DOCK2: variants seen among roughly 807,000 people sequenced by gnomAD.
DOCK2 encodes dedicator of cytokinesis protein 2.
Under a neutral mutation model 248.9 loss-of-function variants are expected in DOCK2, and 87 were observed. That is an observed-to-expected ratio of 0.35 (90% CI 0.29 to 0.42). DOCK2 has a LOEUF of 0.42. Among genes scored for constraint, DOCK2 ranks in the 10% least tolerant of loss-of-function variants. The pLI is 1.00. For synonymous variants in DOCK2, 805 were observed against 821.6 expected, an observed-to-expected ratio of 0.98 and a Z score of 0.35; for missense variants, 1,747 against 2,300.2, an observed-to-expected ratio of 0.76 and a Z score of 4.92.
chr5:169,667,765 T>C (rs544289509), intron 2 of DOCK2, among the ~76,000 whole-genome samples: 1 of 152,330 alleles, frequency 6.6e-6, no homozygotes, highest in South Asian at 2.1e-4. Context: ...AAACAAAAAA[T>C]GTCAACAGAG....
At chr5:169,920,890 G>C (rs777211686) in intron 27 of DOCK2, among the ~76,000 whole-genome samples, 1 of 152,210 alleles carries the variant, frequency 6.6e-6, no homozygotes, top group African/African-American at 2.4e-5. Flanking sequence ...GTAGTGGGCA[G>C]TTGTTTTCCT....
intron 1 of DOCK2, 28 bp from the exon 2 acceptor site, chr5:169,654,375 C>T (rs1440473751): frequency 1.9e-6 from 3 of 1,613,136 alleles, no homozygotes; most frequent in Non-Finnish European, 2.5e-6. Context: ...AGAGGTCTCA[C>T]CTAGCTGTCT....
chr5:170,031,870 C>G (rs1387176930), intron 34 of DOCK2, among the ~76,000 whole-genome samples: 1 of 152,152 alleles, frequency 6.6e-6, no homozygotes, highest in Non-Finnish European at 1.5e-5. Context: ...CAAGTGTGGT[C>G]CATTGACCCG....
intron 27 of DOCK2, among the ~76,000 whole-genome samples, chr5:169,938,133 T>C (rs1249230876): frequency 6.6e-6 from 1 of 152,170 alleles, no homozygotes; most frequent in Non-Finnish European, 1.5e-5. Context: ...GACAAAATGC[T>C]CCCTGCCTCT....
Position 169,702,393 on chromosome 5 carries a change from T to C in DOCK2, c.1349T>C (p.Met450Thr), listed in dbSNP as rs759775916. 135 of 1,613,730 alleles carry C rather than the reference T, an allele frequency of 8.4e-5. 1 individual carries two copies. The Middle Eastern group carries it at 1.5e-3, about 18-fold the overall frequency. Reference sequence around the variant, plus strand: ...ACACAGAGGAATGTGGAAGTCATCATGTGTGTGTGCGCGGAGGATGGCAAA... The same window carrying C: ...ACACAGAGGAATGTGGAAGTCATCACGTGTGTGTGCGCGGAGGATGGCAAA... ...KTTQRNVEVI[M>T]CVCAEDGKTL... is the part of the protein sequence containing the mutation. The change falls in exon 14 of 52, where the codon ATG becomes ACG. Residue 450 changes from methionine to threonine, a missense_variant. This residue lies in a region of DOCK2 where 858 missense variants were observed against 1,183.5 expected (regional missense o/e 0.72). Coordinates refer to ENST00000520908, the MANE Select transcript of DOCK2 (RefSeq NM_004946.3).
intron 25 of DOCK2, among the ~76,000 whole-genome samples, chr5:169,772,737 C>T (rs911181839): frequency 3.9e-5 from 6 of 152,194 alleles, no homozygotes; most frequent in African/African-American, 1.4e-4. Flanking sequence ...AAAAACCCTC[C>T]TCTTCCCATT....
intron 27 of DOCK2, among the ~76,000 whole-genome samples, chr5:169,877,036 G>A (rs558702914): frequency 1.9e-4 from 29 of 152,320 alleles, no homozygotes; most frequent in South Asian, 6.2e-4. Flanking sequence ...TGGCATGGGG[G>A]TCCTTCTGGG....
At chr5:169,948,289 C>T (rs568601794) in intron 27 of DOCK2, among the ~76,000 whole-genome samples, 10 of 135,508 alleles carry the variant, frequency 7.4e-5, no homozygotes, top group Middle Eastern at 3.8e-3. Flanking sequence ...GGATTCAGAA[C>T]GTTTTTTAAA....
chr5:169,669,960 C>T (rs905313115), intron 3 of DOCK2, among the ~76,000 whole-genome samples: 2 of 152,320 alleles, frequency 1.3e-5, no homozygotes, highest in Non-Finnish European at 2.9e-5. Flanking sequence ...CTTCCTTCTT[C>T]CCTGACATGC....
At chr5:169,814,869 A>C (rs246768) in intron 26 of DOCK2, among the ~76,000 whole-genome samples, 83,621 of 151,908 alleles carry the variant, frequency 0.55, 23,503 homozygotes, top group African/African-American at 0.65. Flanking sequence ...GTTAAGACAA[A>C]AAAATCCAGA....
At chr5:169,961,205 A>C (rs1462895877) in intron 27 of DOCK2, among the ~76,000 whole-genome samples, 1 of 152,248 alleles carries the variant, frequency 6.6e-6, no homozygotes, top group Non-Finnish European at 1.5e-5. Context: ...TAGCCCCCCA[A>C]GGGCAATTAA....
At chr5:169,782,122 G>T (rs576137867) in intron 25 of DOCK2, among the ~76,000 whole-genome samples, 14 of 152,236 alleles carry the variant, frequency 9.2e-5, no homozygotes, top group Middle Eastern at 6.8e-3. Context: ...AAAATTTGTG[G>T]TATTTCAGGG....
intron 24 of DOCK2, 57 bp downstream of exon 24, chr5:169,759,832 G>T: frequency 6.2e-7 from 1 of 1,602,018 alleles, no homozygotes; most frequent in South Asian, 1.1e-5. Context: ...GATTCAGAGT[G>T]GGAGGAGGGC....
intron 41 of DOCK2, among the ~76,000 whole-genome samples, 162 bp downstream of exon 41, chr5:170,050,559 T>G (rs542668480): frequency 6.6e-6 from 1 of 152,212 alleles, no homozygotes; most frequent in Non-Finnish European, 1.5e-5. Flanking sequence ...CCATGTTCTT[T>G]GGATCCTTTT....
intron 25 of DOCK2, among the ~76,000 whole-genome samples, chr5:169,775,156 C>T (rs1191790355): frequency 6.6e-6 from 1 of 152,118 alleles, no homozygotes; most frequent in South Asian, 2.1e-4. Context: ...GTGATCTGCC[C>T]ACCTCGGCCT....
At chr5:169,719,390 G>T (rs1231865411) in intron 22 of DOCK2, among the ~76,000 whole-genome samples, 2 of 152,252 alleles carry the variant, frequency 1.3e-5, no homozygotes, top group African/African-American at 4.8e-5. Context: ...ATAGGGCAAA[G>T]TTAGGTAGAG....
intron 32 of DOCK2, among the ~76,000 whole-genome samples, chr5:170,009,015 A>G (rs1055316462): frequency 5.9e-5 from 9 of 152,034 alleles, no homozygotes; most frequent in African/African-American, 2.2e-4. Context: ...ATGGAAATTT[A>G]TAAGAGGGAC....
At chr5:169,718,079 C>A (rs1761997914) in intron 21 of DOCK2, among the ~76,000 whole-genome samples, 2 of 151,778 alleles carry the variant, frequency 1.3e-5, no homozygotes, top group South Asian at 4.2e-4. Flanking sequence ...CAAAACAAAA[C>A]AAAACAAAAA....
intron 25 of DOCK2, among the ~76,000 whole-genome samples, chr5:169,770,866 C>A (rs1483893294): frequency 6.6e-6 from 1 of 152,140 alleles, no homozygotes; most frequent in African/African-American, 2.4e-5. Flanking sequence ...CAATTTCAGG[C>A]ATTGGGTTGT....
Sources: gnomAD v4.1 joint callset for allele counts (sites outside exome capture counted in the v4.1 genomes callset) on GRCh38, gnomAD v4.1.1 for gene constraint, gnomAD v4.1.1 regional missense constraint, MANE v1.5 for transcripts, NCBI Gene and HGNC (gene_info 2026-07-23, HGNC 2026-07-21) for gene names.